Variants in KCTD2 observed in about 807,000 individuals in gnomAD.
KCTD2 encodes the protein BTB/POZ domain-containing protein KCTD2.
KCTD2 carries 18 observed loss-of-function variants against 27.9 expected under a neutral mutation model. The observed-to-expected ratio is 0.64, with a 90% CI of 0.45 to 0.96. KCTD2 has a LOEUF of 0.96. Among genes scored for constraint, KCTD2 ranks in the 40% least tolerant of loss-of-function variants. The probability of loss-of-function intolerance (pLI) is 0.00; values close to 1 mark genes in which losing one functional copy is unlikely to be tolerated. For synonymous variants in KCTD2, 175 were observed against 148.4 expected, an observed-to-expected ratio of 1.18 and a Z score of -1.30; for missense variants, 280 against 348.0, an observed-to-expected ratio of 0.80 and a Z score of 1.56.
intron 3 of KCTD2, among the ~76,000 whole-genome samples, chr17:75,055,992 C>T (rs2073346510): frequency 6.6e-6 from 1 of 151,374 alleles, no homozygotes; most frequent in African/African-American, 2.4e-5. Context: ...GATGGCACCA[C>T]TGCACCCCAG....
At chr17:75,042,396 A>T, upstream of KCTD2, 1 of 1,501,582 alleles carries the variant, frequency 6.7e-7, no homozygotes. Context: ...CTCTCCTAAG[A>T]TCATCATGAA....
chr17:75,045,871 G>C (rs2073209831), upstream of KCTD2, among the ~76,000 whole-genome samples: 1 of 152,228 alleles, frequency 6.6e-6, no homozygotes, highest in Non-Finnish European at 1.5e-5. Context: ...GACTGGGGAA[G>C]TGATAAGTGT....
chr17:75,033,811 G>A (rs1278691496), intron 1 of KCTD2, among the ~76,000 whole-genome samples: 2 of 152,236 alleles, frequency 1.3e-5, no homozygotes, highest in Non-Finnish European at 2.9e-5. Context: ...GGCAGGGACG[G>A]ACCCACTCCA....
At chr17:75,062,699 A>ACCACACACACACACACACAC (rs1555642380) in intron 5 of KCTD2, among the ~76,000 whole-genome samples, 1 of 115,990 alleles carries the variant, frequency 8.6e-6, no homozygotes, top group Non-Finnish European at 1.8e-5. Flanking sequence ...CCTCACCCCC[A>ACCACACACACACACACACAC]ACACACACAC....
intron 3 of KCTD2, chr17:75,042,060 G>C (rs548042479): frequency 2.5e-6 from 2 of 813,796 alleles, no homozygotes; most frequent in African/African-American, 3.5e-5. Flanking sequence ...TTGGCCATAC[G>C]CATCCTTCCT....
chr17:75,063,116 C>CA lies in KCTD2; in HGVS notation c.*70dup. On this transcript the variant is annotated 3_prime_UTR_variant, in exon 6 of 6. Transcript: ENST00000322444. ...AGAGCCCCTCTGTGAAGTGAAACCT[C>CA]ACTCCTGTCCAGTGACCGAGCCACT... 7.0e-7 allele frequency: 1 copy of CA among 1,435,968 alleles called. No individual in the cohort carries two copies. Among genetic ancestry groups the CA allele is most frequent in the East Asian group, 2.3e-5 (1 of 43,340 alleles). 89.0% of individuals were successfully genotyped at this position (1,435,968 alleles called of 1,614,324 possible). A position where few individuals can be genotyped will look rare whatever the true frequency, so the allele number is the denominator to read the frequency against.
chr17:75,052,420 T>C (rs982711268), intron 2 of KCTD2, among the ~76,000 whole-genome samples: 1 of 152,120 alleles, frequency 6.6e-6, no homozygotes. Context: ...ACCCCGTCTC[T>C]GCGAAAAATA....
chr17:75,061,292 C>G (rs950082754), intron 4 of KCTD2, among the ~76,000 whole-genome samples: 3 of 152,108 alleles, frequency 2.0e-5, no homozygotes, highest in Non-Finnish European at 4.4e-5. Context: ...GAGCTGCTCC[C>G]CTGCGTGTGT....
At chr17:75,051,164 A>C (rs1160113729) in intron 2 of KCTD2, among the ~76,000 whole-genome samples, 1 of 150,722 alleles carries the variant, frequency 6.6e-6, no homozygotes, top group Non-Finnish European at 1.5e-5. Context: ...TAGTAGAGAC[A>C]GGGTTTCACC....
intron 3 of KCTD2, chr17:75,059,253 A>G: frequency 3.3e-6 from 1 of 303,282 alleles, no homozygotes; most frequent in Non-Finnish European, 6.0e-6. Context: ...TTATTCTTTC[A>G]CTCTTTGGAT....
At chr17:75,048,943 T>C in intron 1 of KCTD2, 1 of 278,634 alleles carries the variant, frequency 3.6e-6, no homozygotes, top group Admixed American at 5.1e-5. Context: ...AGGCAAAGAT[T>C]GCAAATTCCA....
At chr17:75,037,299 G>A (rs2073112033) in intron 3 of KCTD2, among the ~76,000 whole-genome samples, 2 of 149,106 alleles carry the variant, frequency 1.3e-5, no homozygotes, top group Admixed American at 6.7e-5. Flanking sequence ...AGCAGAAATC[G>A]TGCCACTGCA....
chr17:75,047,103 C>A (rs534668825), upstream of KCTD2: 2 of 276,118 alleles, frequency 7.2e-6, no homozygotes, highest in Admixed American at 1.1e-4. Context: ...GCGCCTCCCC[C>A]GCGCGGGTCC....
In KCTD2 at chr17:75,040,321, C is replaced by T. The variant is rs570141651; in HGVS notation, c.-259+4964C>T. The stretch of plus-strand genomic sequence containing the variant: ...TCTGTGTCCCAAGCGGAAACGAATA[C>T]GCATCTCAATACTGGAGTAGAAAGA... On this transcript the variant is annotated intron_variant, in intron 3 of 7. Transcript: ENST00000581589. The T allele has an allele frequency of 5.1e-5, 40 of 778,944 alleles. No individual in the cohort carries two copies. The East Asian group carries it at 9.4e-4, about 18-fold the overall frequency. The allele number at this position is 778,944 out of a possible 1,614,324, so 48.3% of individuals were successfully genotyped here. A position where few individuals can be genotyped will look rare whatever the true frequency, so the allele number is the denominator to read the frequency against.
At chr17:75,039,049 C>A in intron 3 of KCTD2, 1 of 1,613,892 alleles carries the variant, frequency 6.2e-7, no homozygotes, top group Non-Finnish European at 8.5e-7. Context: ...GAATTAAGTT[C>A]TTCATCTTCT....
At chr17:75,045,583 C>T (rs770720014), upstream of KCTD2, among the ~76,000 whole-genome samples, 10 of 152,210 alleles carry the variant, frequency 6.6e-5, no homozygotes, top group Non-Finnish European at 1.0e-4. Flanking sequence ...AAGAATTCAG[C>T]GATATTTCTC....
At chr17:75,040,221 T>C in intron 3 of KCTD2, 2 of 1,605,918 alleles carry the variant, frequency 1.2e-6, no homozygotes, top group Non-Finnish European at 1.7e-6. Context: ...ACAAGGACAG[T>C]GAGTCGTCGC....
intron 3 of KCTD2, chr17:75,035,440 G>C (rs2040107295): frequency 6.6e-6 from 1 of 152,102 alleles, no homozygotes; most frequent in Non-Finnish European, 1.5e-5. Context: ...CCTCGTAAAC[G>C]TGCTCTACAA....
intron 1 of KCTD2, chr17:75,033,023 T>C (rs1260203534): frequency 2.0e-5 from 3 of 152,260 alleles, no homozygotes; most frequent in Non-Finnish European, 4.4e-5. Flanking sequence ...CTGGGGCAGA[T>C]TGGCAAGGTC....
Sources: allele counts gnomAD v4.1 joint callset (sites outside exome capture counted in the v4.1 genomes callset), GRCh38; gene constraint gnomAD v4.1.1; transcripts MANE v1.5; gene names NCBI Gene and HGNC (gene_info 2026-07-23, HGNC 2026-07-21).